DENND1A: variants seen among roughly 807,000 people sequenced by gnomAD.
The protein encoded by DENND1A is DENN domain containing 1A, also known as DENN domain-containing protein 1A.
In DENND1A, 51 loss-of-function variants were observed where a neutral mutation model predicts 113.7. The observed-to-expected ratio is 0.45, with a 90% CI of 0.36 to 0.57. The LOEUF (loss-of-function observed/expected upper bound fraction) is 0.57, where lower values mean the gene tolerates loss of function less well. Ranked by LOEUF, DENND1A falls within the 20% of genes least tolerant of loss-of-function variation. The pLI is 0.00. For synonymous variants in DENND1A, 565 were observed against 570.8 expected (o/e 0.99, Z 0.14); for missense variants, 1,258 against 1,395.9 (o/e 0.90, Z 1.57).
At chr9:123,643,902 G>C (rs534357167) in intron 9 of DENND1A, among the ~76,000 whole-genome samples, 2 of 152,184 alleles carry the variant, frequency 1.3e-5, no homozygotes, top group African/African-American at 4.8e-5. Flanking sequence ...AGGTGACGAC[G>C]ACCAGGCAGA....
chr9:123,671,533 G>GT (rs2063765218), intron 6 of DENND1A, among the ~76,000 whole-genome samples, 162 bp from the exon 7 acceptor site: 1 of 152,080 alleles, frequency 6.6e-6, no homozygotes. Flanking sequence ...AAGACACCAC[G>GT]TATGCCTCAA....
chr9:123,646,815 T>C (rs1389545292), intron 9 of DENND1A, among the ~76,000 whole-genome samples: 1 of 152,018 alleles, frequency 6.6e-6, no homozygotes, highest in Non-Finnish European at 1.5e-5. Context: ...TATTGCAGAA[T>C]GAAGTAAGTT....
At chr9:123,584,324 CATTACTGGTCA>C (rs1383172314) in intron 11 of DENND1A, among the ~76,000 whole-genome samples, 4 of 152,206 alleles carry the variant, frequency 2.6e-5, no homozygotes, top group Admixed American at 2.6e-4. Context: ...GGATCAATTC[CATTACTGGTCA>C]ACCTCTGAGC....
intron 21 of DENND1A, among the ~76,000 whole-genome samples, chr9:123,393,478 C>T (rs1313259300): frequency 1.5e-4 from 23 of 151,786 alleles, no homozygotes; most frequent in Admixed American, 1.4e-3. Flanking sequence ...GGGAGGATTG[C>T]TTCAGCCCAG....
At chr9:123,478,753 T>A (rs1211233527) in intron 13 of DENND1A, among the ~76,000 whole-genome samples, 1 of 152,214 alleles carries the variant, frequency 6.6e-6, no homozygotes, top group Non-Finnish European at 1.5e-5. Flanking sequence ...CACCATAAAA[T>A]TCTTTCCACT....
chr9:123,747,306 C>A (rs896667888), intron 5 of DENND1A, among the ~76,000 whole-genome samples: 17 of 152,116 alleles, frequency 1.1e-4, no homozygotes, highest in Admixed American at 2.6e-4. Context: ...TACCAGACTG[C>A]ATAAATGAAC....
chr9:123,781,503 A>G (rs1046583715), intron 3 of DENND1A, among the ~76,000 whole-genome samples: 1 of 152,202 alleles, frequency 6.6e-6, no homozygotes, highest in Non-Finnish European at 1.5e-5. Flanking sequence ...ACAATATCAG[A>G]CATCATCAAT....
In DENND1A at chr9:123,588,283, C is replaced by CAAAAAA. The variant is rs10640791; in HGVS notation, c.766-5019_766-5014dup. Among the ~76,000 whole-genome samples, 103 of 68,022 alleles carry CAAAAAA rather than the reference C, an allele frequency of 1.5e-3. 2 individuals carry two copies. Among genetic ancestry groups the CAAAAAA allele is most frequent in the South Asian group, 5.6e-3 (9 of 1,598 alleles). The allele number at this position is 68,022 out of a possible 152,430, so 44.6% of individuals were successfully genotyped here. On this transcript the variant is annotated intron_variant, in intron 11 of 23. Coordinates refer to ENST00000394215, the MANE Select transcript of DENND1A (RefSeq NM_001352964.2). Reference sequence around the variant, plus strand: ...GGACAATAAGAGTGAAACTCTGTCTCAAAAAAAAAAAAAAAAAAAAAATTA... The same window carrying CAAAAAA: ...GGACAATAAGAGTGAAACTCTGTCTCAAAAAAAAAAAAAAAAAAAAAAAAAAAATTA...
At chr9:123,909,019 TA>T (rs1376999628) in intron 1 of DENND1A, among the ~76,000 whole-genome samples, 1 of 152,120 alleles carries the variant, frequency 6.6e-6, no homozygotes, top group East Asian at 1.9e-4. Context: ...TATGCAGCCA[TA>T]AAAAATGATG....
At chr9:123,474,857 A>G (rs748035108) in intron 13 of DENND1A, among the ~76,000 whole-genome samples, 35 of 152,320 alleles carry the variant, frequency 2.3e-4, no homozygotes, top group Non-Finnish European at 3.1e-4. Flanking sequence ...GCTGAGGAAG[A>G]GGACAGTGAA....
In DENND1A at chr9:123,380,629, A is replaced by AG. The variant is rs1281487055; in HGVS notation, c.*802dup. On this transcript the variant is annotated 3_prime_UTR_variant, in exon 24 of 24. Transcript: ENST00000394215. Reference sequence around the variant, plus strand: ...AGGCTGAGCCCCAGCTTTGACAGTGAGGGGAGTACCTGGAGGTATCAGCGT... The same window carrying AG: ...AGGCTGAGCCCCAGCTTTGACAGTGAGGGGGAGTACCTGGAGGTATCAGCGT... 1 of 152,450 alleles carries AG rather than the reference A, an allele frequency of 6.6e-6. No individual in the cohort carries two copies. 9.4% of individuals were successfully genotyped at this position (152,450 alleles called of 1,614,324 possible).
intron 5 of DENND1A, among the ~76,000 whole-genome samples, chr9:123,701,349 G>A (rs61320565): frequency 0.11 from 16,587 of 152,136 alleles, 1,233 homozygotes; most frequent in African/African-American, 0.2. Flanking sequence ...ATCAAAGAGG[G>A]TAGAAAGGAC....
chr9:123,553,571 C>A (rs763809709), intron 13 of DENND1A, among the ~76,000 whole-genome samples: 4 of 152,120 alleles, frequency 2.6e-5, no homozygotes, highest in Non-Finnish European at 4.4e-5. Context: ...ATATTAATAA[C>A]TAGGATACTG....
intron 11 of DENND1A, among the ~76,000 whole-genome samples, chr9:123,598,441 C>T (rs2059795437): frequency 7.3e-6 from 1 of 137,660 alleles, no homozygotes; most frequent in Non-Finnish European, 1.5e-5. Flanking sequence ...CCTTTTAAAA[C>T]TCAATCACAA....
intron 7 of DENND1A, among the ~76,000 whole-genome samples, chr9:123,667,885 C>T (rs944101622): frequency 6.6e-6 from 1 of 152,078 alleles, no homozygotes; most frequent in Non-Finnish European, 1.5e-5. Flanking sequence ...GGAGCTGAGA[C>T]CATTGCCGAT....
chr9:123,470,239 C>G (rs1227765786), intron 13 of DENND1A, among the ~76,000 whole-genome samples: 1 of 152,124 alleles, frequency 6.6e-6, no homozygotes, highest in South Asian at 2.1e-4. Context: ...TGAGAGCTGA[C>G]ATGAGTGAGA....
intron 12 of DENND1A, among the ~76,000 whole-genome samples, chr9:123,560,701 A>AAC (rs1268884584): frequency 6.6e-6 from 1 of 151,638 alleles, no homozygotes; most frequent in East Asian, 1.9e-4. Flanking sequence ...AAAAAAAAAA[A>AAC]AAAGGAAAAG....
chr9:123,630,623 C>T (rs2061435868), intron 9 of DENND1A, 147 bp from the exon 10 acceptor site: 1 of 477,628 alleles, frequency 2.1e-6, no homozygotes, highest in African/African-American at 2.0e-5. Flanking sequence ...TTAACTCAAT[C>T]ACCCTAATTC....
intron 1 of DENND1A, among the ~76,000 whole-genome samples, chr9:123,886,214 TG>T (rs1402779400): frequency 6.6e-6 from 1 of 152,178 alleles, no homozygotes; most frequent in Non-Finnish European, 1.5e-5. Context: ...ATCATGCTAT[TG>T]ATCACTCTGC....
Sources: allele counts gnomAD v4.1 joint callset (sites outside exome capture counted in the v4.1 genomes callset), GRCh38; gene constraint gnomAD v4.1.1; transcripts MANE v1.5; gene names NCBI Gene and HGNC (gene_info 2026-07-23, HGNC 2026-07-21).